Variants in MYO3B observed in about 807,000 individuals in gnomAD.
MYO3B encodes the protein myosin IIIB, also known as myosin-IIIb.
A neutral mutation model predicts 174.6 loss-of-function variants in MYO3B; 156 were observed. The ratio of observed to expected loss-of-function variants is 0.89; its 90% CI spans 0.78 to 1.02. The LOEUF (loss-of-function observed/expected upper bound fraction) is 1.02. Among genes scored for constraint, MYO3B ranks in the 50% least tolerant of loss-of-function variants. MYO3B has a pLI of 0.00. For synonymous variants in MYO3B, 563 were observed against 569.1 expected, an observed-to-expected ratio of 0.99 and a Z score of 0.15; for missense variants, 1,632 against 1,639.4, an observed-to-expected ratio of 1.00 and a Z score of 0.08.
At chr2:170,250,702 G>A (rs73027163) in intron 7 of MYO3B, among the ~76,000 whole-genome samples, 9,030 of 152,226 alleles carry the variant, frequency 0.059, 341 homozygotes, top group African/African-American at 0.1. Context: ...CGGAAGAACT[G>A]GGTCACACAC....
chr2:170,512,741 A>T (rs1293944112), intron 28 of MYO3B, among the ~76,000 whole-genome samples: 1 of 152,232 alleles, frequency 6.6e-6, no homozygotes, highest in Non-Finnish European at 1.5e-5. Context: ...GGGAAAAAAA[A>T]GGAGAATAGG....
At chr2:170,388,817 G>A (rs931866477) in intron 14 of MYO3B, among the ~76,000 whole-genome samples, 2 of 152,210 alleles carry the variant, frequency 1.3e-5, no homozygotes, top group Non-Finnish European at 2.9e-5. Flanking sequence ...GAAAACCCAA[G>A]CATCTTCCTC....
intron 25 of MYO3B, among the ~76,000 whole-genome samples, chr2:170,487,872 G>A (rs1007031364): frequency 1.3e-5 from 2 of 152,096 alleles, no homozygotes; most frequent in Non-Finnish European, 2.9e-5. Context: ...CATCTCCCAC[G>A]CTAATACAAT....
chr2:170,469,973 A>G (rs1234581481), intron 25 of MYO3B, among the ~76,000 whole-genome samples: 2 of 138,528 alleles, frequency 1.4e-5, no homozygotes, highest in African/African-American at 6.9e-5. Context: ...GTGTTGGTGC[A>G]TGCCTGTAAT....
chr2:170,335,619 A>G lies in MYO3B; in HGVS notation c.815+169A>G, dbSNP rs567561367. ...ATAGAAGATGCCTTTGCAAGATGTG[A>G]AAAGTAAGGCGTTCCATTTGACTCT... is the stretch of plus-strand genomic sequence containing the variant. On this transcript the variant is annotated intron_variant, in intron 8 of 34. Coordinates refer to ENST00000408978, the MANE Select transcript of MYO3B (RefSeq NM_138995.5). 9.4e-4 allele frequency among the ~76,000 whole-genome samples: 143 copies of G among 152,312 alleles called. 1 individual carries two copies. The highest frequency in any genetic ancestry group is 1.7e-3 in the Non-Finnish European group (114 of 68,020).
intron 7 of MYO3B, among the ~76,000 whole-genome samples, chr2:170,277,738 T>A (rs981574700): frequency 1.3e-5 from 2 of 152,152 alleles, no homozygotes; most frequent in African/African-American, 4.8e-5. Context: ...ATAAATGTCT[T>A]ACAGAGAATG....
intron 30 of MYO3B, among the ~76,000 whole-genome samples, chr2:170,539,990 CTT>C (rs1339164445): frequency 1.3e-5 from 2 of 152,116 alleles, no homozygotes; most frequent in Non-Finnish European, 2.9e-5. Flanking sequence ...ATACCATAGT[CTT>C]ATGGTACACT....
intron 7 of MYO3B, among the ~76,000 whole-genome samples, chr2:170,331,758 A>C (rs1163099594): frequency 2.6e-5 from 4 of 152,094 alleles, no homozygotes; most frequent in Non-Finnish European, 5.9e-5. Context: ...TGAGGATCTC[A>C]TTTCTTTGCT....
rs758221039 is a variant in MYO3B, at chr2:170,369,221, G to A, written c.816-1G>A. On this transcript the variant is annotated splice_acceptor_variant, in intron 8 of 34. Coordinates refer to ENST00000408978, the MANE Select transcript of MYO3B (RefSeq NM_138995.5). LOFTEE classifies it high-confidence loss of function. ...GATTGTTTGTTGGTTTTTGCAAACA[G>A]GTGTCTTATTAAGGATTTTGAAAGG... 1 of 1,611,804 alleles carries A rather than the reference G, an allele frequency of 6.2e-7. No homozygotes were observed. The highest frequency in any genetic ancestry group is 8.5e-7 in the Non-Finnish European group (1 of 1,178,464).
intron 32 of MYO3B, among the ~76,000 whole-genome samples, chr2:170,625,595 G>A (rs183436599): frequency 6.6e-6 from 1 of 152,114 alleles, no homozygotes; most frequent in Non-Finnish European, 1.5e-5. Context: ...CTTTCTGCTA[G>A]CTTTTGAATG....
At chr2:170,408,245 G>A (rs904377627) in intron 22 of MYO3B, among the ~76,000 whole-genome samples, 1 of 152,180 alleles carries the variant, frequency 6.6e-6, no homozygotes, top group African/African-American at 2.4e-5. Flanking sequence ...TTAAAGGAGT[G>A]TGTTGAATCA....
At chr2:170,244,476 T>C (rs2093168756) in intron 7 of MYO3B, among the ~76,000 whole-genome samples, 3 of 151,608 alleles carry the variant, frequency 2.0e-5, no homozygotes, top group Admixed American at 2.0e-4. Context: ...TGGGGAGGAG[T>C]GATATTCCAG....
chr2:170,478,153 G>A (rs556903533), intron 25 of MYO3B, among the ~76,000 whole-genome samples: 9 of 152,174 alleles, frequency 5.9e-5, no homozygotes, highest in South Asian at 4.2e-4. Flanking sequence ...CCTGGGTCCC[G>A]TGACCATTCC....
chr2:170,275,247 C>T (rs1420769820), intron 7 of MYO3B, among the ~76,000 whole-genome samples: 3 of 152,132 alleles, frequency 2.0e-5, no homozygotes, highest in Admixed American at 1.3e-4. Context: ...CAATTGAAAA[C>T]AATAATAACA....
chr2:170,353,018 A>C (rs2094088632), intron 8 of MYO3B, among the ~76,000 whole-genome samples: 1 of 152,244 alleles, frequency 6.6e-6, no homozygotes, highest in Non-Finnish European at 1.5e-5. Context: ...AAAAGTAAAC[A>C]TATGCTTACC....
intron 32 of MYO3B, among the ~76,000 whole-genome samples, chr2:170,551,707 C>T (rs1003565742): frequency 5.3e-5 from 8 of 152,034 alleles, no homozygotes; most frequent in African/African-American, 1.7e-4. Flanking sequence ...TTATATTAAT[C>T]ATATACTTTT....
At chr2:170,498,761 G>A in intron 26 of MYO3B, 58 bp downstream of exon 26, 1 of 1,126,848 alleles carries the variant, frequency 8.9e-7, no homozygotes, top group Non-Finnish European at 1.3e-6. Flanking sequence ...TCTTGTCAGT[G>A]ATGTCACTGG....
At chr2:170,275,550 T>C (rs2093458684) in intron 7 of MYO3B, among the ~76,000 whole-genome samples, 1 of 152,212 alleles carries the variant, frequency 6.6e-6, no homozygotes, top group Admixed American at 6.5e-5. Flanking sequence ...CCTCTTGAAC[T>C]TTTTATTCGT....
chr2:170,589,490 T>A (rs1693692106), intron 32 of MYO3B, among the ~76,000 whole-genome samples: 1 of 152,166 alleles, frequency 6.6e-6, no homozygotes, highest in Non-Finnish European at 1.5e-5. Context: ...ATATAGATGA[T>A]CCTGATCTTG....
Sources: gnomAD v4.1 joint callset for allele counts (sites outside exome capture counted in the v4.1 genomes callset) on GRCh38, gnomAD v4.1.1 for gene constraint, MANE v1.5 for transcripts, NCBI Gene and HGNC (gene_info 2026-07-23, HGNC 2026-07-21) for gene names.